The following KAT8 variants were observed in gnomAD, a reference collection of about 807,000 sequenced individuals.
KAT8 encodes lysine acetyltransferase 8, also known as histone acetyltransferase KAT8.
In KAT8, 40 loss-of-function variants were observed where a neutral mutation model predicts 62.9. That is an observed-to-expected ratio of 0.64 (90% CI 0.49 to 0.83). KAT8 has a LOEUF of 0.83. Ranked by LOEUF, KAT8 falls within the 40% of genes least tolerant of loss-of-function variation. The pLI, the probability that KAT8 is intolerant of heterozygous loss-of-function variation, is 0.00. For missense variants in KAT8, 387 were observed against 614.8 expected, an observed-to-expected ratio of 0.63 and a Z score of 3.92; for synonymous variants, 278 against 254.5, an observed-to-expected ratio of 1.09 and a Z score of -0.88.
chr16:31,117,771 C>T lies in KAT8; in HGVS notation c.90C>T (p.Ala30=), dbSNP rs2057458966. ...AGCCCGGGCCCGGGGAGAATGCGGC[C>T]GCTGAGGGGACCGCCCCATCCCCGG... ...EGEPGPGENA[A]AEGTAPSPGR... The change falls in exon 1 of 11, where the codon GCC becomes GCT. Residue 30 remains alanine, a synonymous_variant. Transcript: ENST00000219797. 7.2e-7 allele frequency: 1 copy of T among 1,382,292 alleles called. No homozygotes were observed. The allele number at this position is 1,382,292 out of a possible 1,614,324, so 85.6% of individuals were successfully genotyped here.
chr16:31,129,904 C>T, intron 6 of KAT8, 113 bp from the exon 7 acceptor site: 1 of 1,179,378 alleles, frequency 8.5e-7, no homozygotes, highest in African/African-American at 1.5e-5. Flanking sequence ...AGTGTGAAAT[C>T]CTTCTGGCCT....
At chr16:31,120,292 C>T (rs1329606474) in intron 2 of KAT8, 32 bp downstream of exon 2, 27 of 1,613,470 alleles carry the variant, frequency 1.7e-5, no homozygotes, top group Non-Finnish European at 2.1e-5. Flanking sequence ...GGCGTGGGTG[C>T]AGGGAGTTGG....
chr16:31,129,975 G>A (rs1433384128), intron 6 of KAT8, 42 bp from the exon 7 acceptor site: 2 of 1,610,678 alleles, frequency 1.2e-6, no homozygotes, highest in Non-Finnish European at 8.5e-7. Context: ...GGTGGGGCCT[G>A]TGCCTGCCCC....
chr16:31,130,949 T>G (rs1310721344), intron 10 of KAT8, 49 bp downstream of exon 10: 2 of 1,583,924 alleles, frequency 1.3e-6, no homozygotes, highest in Admixed American at 3.6e-5. Context: ...AGTGTCAGTA[T>G]ATGGACTGGT....
Position 31,130,918 on chromosome 16 carries a change from G to A in KAT8, c.1312+18G>A. On this transcript the variant is annotated intron_variant, in intron 10 of 10. Coordinates refer to ENST00000219797, the MANE Select transcript of KAT8 (RefSeq NM_032188.3). The stretch of plus-strand genomic sequence containing the variant: ...CATCACAGGTGGGTGGGGGGCTGCT[G>A]TGTGTCGGGGGCGGTGGGGGAGTGT... 1 of 1,607,378 alleles carries A rather than the reference G, an allele frequency of 6.2e-7. No individual in the cohort carries two copies. Among genetic ancestry groups the A allele is most frequent in the Non-Finnish European group, 8.5e-7 (1 of 1,177,534 alleles).
intron 6 of KAT8, 122 bp from the exon 7 acceptor site, chr16:31,129,895 G>C (rs780596913): frequency 6.5e-6 from 7 of 1,070,778 alleles, no homozygotes; most frequent in Non-Finnish European, 9.8e-6. Context: ...ACTCCTTCCA[G>C]TGTGAAATCC....
At chr16:31,126,966 G>T in intron 3 of KAT8, 69 bp from the exon 4 acceptor site, 14 of 1,552,076 alleles carry the variant, frequency 9.0e-6, no homozygotes, top group Non-Finnish European at 1.2e-5. Context: ...AGCCTTGTGG[G>T]TCCTGACGGG....
intron 3 of KAT8, among the ~76,000 whole-genome samples, chr16:31,123,437 G>C (rs1353210034): frequency 6.6e-6 from 1 of 152,000 alleles, no homozygotes; most frequent in Non-Finnish European, 1.5e-5. Flanking sequence ...TCAAACTCCT[G>C]ACCTCAACTG....
chr16:31,123,184 CA>C (rs1004445818), intron 3 of KAT8, among the ~76,000 whole-genome samples: 3 of 150,668 alleles, frequency 2.0e-5, no homozygotes, highest in Non-Finnish European at 4.4e-5. Context: ...AAGACTGTCT[CA>C]AAAAAAAATT....
chr16:31,117,763 A>G lies in KAT8; in HGVS notation c.82A>G (p.Asn28Asp). 1 of 1,375,268 alleles carries G rather than the reference A, an allele frequency of 7.3e-7. No homozygotes were observed. Among genetic ancestry groups the G allele is most frequent in the Non-Finnish European group, 9.5e-7 (1 of 1,055,032 alleles). The allele number at this position is 1,375,268 out of a possible 1,614,324, so 85.2% of individuals were successfully genotyped here. ...AGEGEPGPGE[N>D]AAAEGTAPSP... ...GGAGGGCGAGCCCGGGCCCGGGGAG[A>G]ATGCGGCCGCTGAGGGGACCGCCCC... is the stretch of plus-strand genomic sequence containing the variant. Residue 28 changes from asparagine (N) to aspartate (D), a missense_variant, in exon 1 of 11, where the codon AAT becomes GAT. Asn to Asp is a conservative substitution (Grantham distance 23, BLOSUM62 1). Coordinates refer to ENST00000219797, the MANE Select transcript of KAT8 (RefSeq NM_032188.3).
At position 31,117,731 on chromosome 16, in the gene KAT8, T is replaced by A; in HGVS notation, c.50T>A (p.Val17Asp). The A allele has an allele frequency of 7.3e-7, 1 of 1,361,736 alleles. No homozygotes were observed. The highest frequency in any genetic ancestry group is 9.5e-7 in the Non-Finnish European group (1 of 1,051,648). 84.4% of individuals were successfully genotyped at this position (1,361,736 alleles called of 1,614,324 possible). Reference sequence around the variant, plus strand: ...GCGGTTGCGGCGGGGACTTCAGGGGTCGCGGGGGAGGGCGAGCCCGGGCCC... The same window carrying A: ...GCGGTTGCGGCGGGGACTTCAGGGGACGCGGGGGAGGGCGAGCCCGGGCCC... Reference protein sequence around the residue: ...AAAVAAGTSGVAGEGEPGPGE... With the variant: ...AAAVAAGTSGDAGEGEPGPGE... The change falls in exon 1 of 11, where the codon GTC becomes GAC. Residue 17 changes from valine (V) to aspartate (D), a missense_variant. This residue lies in a region of KAT8 where 92 missense variants were observed against 78.8 expected (regional missense o/e 1.17). Transcript: ENST00000219797.
At chr16:31,121,899 G>A (rs1036599149) in intron 3 of KAT8, among the ~76,000 whole-genome samples, 3 of 151,916 alleles carry the variant, frequency 2.0e-5, no homozygotes, top group African/African-American at 4.8e-5. Flanking sequence ...CCATAGGCAC[G>A]TGCCACCATG....
rs774078739 is a variant in KAT8, at chr16:31,130,907, G to T, written c.1312+7G>T. 6 of 1,610,864 alleles carry T rather than the reference G, an allele frequency of 3.7e-6. No individual in the cohort carries two copies. The highest frequency in any genetic ancestry group is 1.1e-5 in the South Asian group (1 of 90,930). ...AAGAAACCACCCATCACAGGTGGGT[G>T]GGGGGCTGCTGTGTGTCGGGGGCGG... On this transcript the variant is annotated splice_region_variant and intron_variant, in intron 10 of 10. Transcript: ENST00000219797.
chr16:31,118,044 G>C, intron 1 of KAT8, 152 bp downstream of exon 1: 1 of 600,338 alleles, frequency 1.7e-6, no homozygotes, highest in Non-Finnish European at 2.5e-6. Flanking sequence ...GCCGCGTTCC[G>C]GGCGCTGAGA....
At chr16:31,126,827 A>T (rs2057534575) in intron 3 of KAT8, 3 of 538,322 alleles carry the variant, frequency 5.6e-6, no homozygotes, top group Non-Finnish European at 6.4e-6. Flanking sequence ...GATGTCTGGG[A>T]TATCGGGGGT....
rs375709924 is a variant in KAT8, at chr16:31,120,174, T to C, written c.212-12T>C. The C allele has an allele frequency of 6.8e-6, 11 of 1,613,206 alleles. No homozygotes were observed. Among genetic ancestry groups the C allele is most frequent in the African/African-American group, 1.3e-5 (1 of 74,908 alleles). On this transcript the variant is annotated splice_polypyrimidine_tract_variant and intron_variant, in intron 1 of 10. Coordinates refer to ENST00000219797, the MANE Select transcript of KAT8 (RefSeq NM_032188.3). ...TTACCTTCCTGATGACCCTAGCCTT[T>C]TTCCATCACAGATTCTGCTGAAGTG...
At chr16:31,121,599 C>T (rs374477638) in intron 3 of KAT8, among the ~76,000 whole-genome samples, 1 of 152,106 alleles carries the variant, frequency 6.6e-6, no homozygotes, top group Middle Eastern at 3.4e-3. Context: ...TCTTAAGAGA[C>T]GGGAGTCTTG....
intron 3 of KAT8, chr16:31,120,855 T>A (rs1323329692): frequency 1.6e-5 from 4 of 246,770 alleles, no homozygotes; most frequent in Non-Finnish European, 3.2e-5. Flanking sequence ...ATTCGGCAGT[T>A]GCTATAGCCA....
intron 5 of KAT8, 40 bp downstream of exon 5, chr16:31,127,393 G>A (rs1363670061): frequency 6.8e-6 from 11 of 1,607,544 alleles, no homozygotes; most frequent in African/African-American, 1.3e-5. Flanking sequence ...GCAGGGGCCC[G>A]GTGAGAGGCA....
Sources: gnomAD v4.1 joint callset for allele counts (sites outside exome capture counted in the v4.1 genomes callset) on GRCh38, gnomAD v4.1.1 for gene constraint, gnomAD v4.1.1 regional missense constraint, MANE v1.5 for transcripts, NCBI Gene and HGNC (gene_info 2026-07-23, HGNC 2026-07-21) for gene names.